The following ALDH4A1 variants were observed in gnomAD, a reference collection of about 807,000 sequenced individuals.
ALDH4A1 encodes delta-1-pyrroline-5-carboxylate dehydrogenase, mitochondrial.
Under a neutral mutation model 70.5 loss-of-function variants are expected in ALDH4A1, and 46 were observed. The ratio of observed to expected loss-of-function variants is 0.65; its 90% CI spans 0.51 to 0.83. ALDH4A1 has a LOEUF of 0.83. ALDH4A1 is among the 40% of genes least tolerant of loss of function. The probability of loss-of-function intolerance (pLI) is 0.00; values close to 1 mark genes in which losing one functional copy is unlikely to be tolerated. For synonymous variants in ALDH4A1, 323 were observed against 324.3 expected, an observed-to-expected ratio of 1.00 and a Z score of 0.04; for missense variants, 749 against 766.5, an observed-to-expected ratio of 0.98 and a Z score of 0.27.
chr1:18,886,604 G>T, intron 3 of ALDH4A1, 93 bp from the exon 4 acceptor site: 2 of 1,385,628 alleles, frequency 1.4e-6, no homozygotes, highest in Non-Finnish European at 2.0e-6. Context: ...TTCCAGGAAA[G>T]TCCTGGACAC....
chr1:18,879,215 T>A, intron 9 of ALDH4A1, 85 bp downstream of exon 9: 1 of 1,363,230 alleles, frequency 7.3e-7, no homozygotes. Context: ...TGTGGCTGGA[T>A]CCCCTCTACC....
intron 1 of ALDH4A1, 43 bp from the exon 2 acceptor site, chr1:18,890,148 C>G (rs747969757): frequency 6.6e-7 from 1 of 1,517,934 alleles, no homozygotes; most frequent in Non-Finnish European, 9.0e-7. Flanking sequence ...AGGTCAGCAG[C>G]GGCCCCACCA....
At chr1:18,894,306 T>C (rs1023533829) in intron 1 of ALDH4A1, among the ~76,000 whole-genome samples, 5 of 152,134 alleles carry the variant, frequency 3.3e-5, no homozygotes, top group African/African-American at 1.2e-4. Flanking sequence ...TTTGGGAGGC[T>C]GAGGTGGGCG....
intron 14 of ALDH4A1, among the ~76,000 whole-genome samples, chr1:18,873,906 C>G (rs756748412): frequency 1.3e-5 from 2 of 152,208 alleles, no homozygotes. Flanking sequence ...GGTCCCAGTA[C>G]TTGTGATTGG....
intron 1 of ALDH4A1, among the ~76,000 whole-genome samples, chr1:18,894,339 G>A (rs1324661538): frequency 3.3e-5 from 5 of 152,142 alleles, no homozygotes; most frequent in African/African-American, 4.8e-5. Flanking sequence ...TCAGGAGTTC[G>A]AGACCAGCCT....
At chr1:18,877,682 C>T in intron 9 of ALDH4A1, 70 bp from the exon 10 acceptor site, 6 of 1,537,850 alleles carry the variant, frequency 3.9e-6, no homozygotes, top group Non-Finnish European at 5.3e-6. Context: ...GCCCAAAACA[C>T]CACCTACGCC....
rs752889674 is a variant in ALDH4A1 at position 18,877,621 on chromosome 1, G to A, written c.941-9C>T. On this transcript the variant is annotated splice_polypyrimidine_tract_variant and intron_variant, in intron 9 of 14. Coordinates refer to ENST00000375341, the MANE Select transcript of ALDH4A1 (RefSeq NM_003748.4). The stretch of plus-strand genomic sequence containing the variant: ...GTTCTTTCCGCCGCACTCTACAGGG[G>A]TCGGGGGTGGGGAAATGACCAGAGG... The A allele has an allele frequency of 1.4e-6, 1 of 707,438 alleles. No individual in the cohort carries two copies. The highest frequency in any genetic ancestry group is 1.9e-5 in the Admixed American group (1 of 53,020). The allele number at this position is 707,438 out of a possible 1,614,324, so 43.8% of individuals were successfully genotyped here. A position where few individuals can be genotyped will look rare whatever the true frequency, so the allele number is the denominator to read the frequency against.
chr1:18,886,946 A>C (rs9426638), intron 3 of ALDH4A1, among the ~76,000 whole-genome samples: 1 of 152,148 alleles, frequency 6.6e-6, no homozygotes, highest in African/African-American at 2.4e-5. Flanking sequence ...GGAGAACCAA[A>C]GGGGATCATG....
At chr1:18,874,818 C>G (rs969902800) in intron 13 of ALDH4A1, among the ~76,000 whole-genome samples, 1 of 152,200 alleles carries the variant, frequency 6.6e-6, no homozygotes, top group African/African-American at 2.4e-5. Flanking sequence ...AGGGCTACTG[C>G]GAAGTTGAAG....
chr1:18,892,587 T>TAGAGGG (rs1378298923), intron 1 of ALDH4A1, among the ~76,000 whole-genome samples: 2 of 150,792 alleles, frequency 1.3e-5, no homozygotes, highest in Non-Finnish European at 3.0e-5. Context: ...GCCTGCGTGG[T>TAGAGGG]AGAGGGAGAG....
chr1:18,889,803 A>C (rs1935364179), intron 2 of ALDH4A1, among the ~76,000 whole-genome samples: 1 of 152,262 alleles, frequency 6.6e-6, no homozygotes, highest in Non-Finnish European at 1.5e-5. Flanking sequence ...CTGGCCTGAG[A>C]AGCCCCAGAG....
Position 18,895,503 on chromosome 1 carries a change from T to C in ALDH4A1, c.63-5398A>G, listed in dbSNP as rs117441947. Among the ~76,000 whole-genome samples, 850 of 152,310 alleles carry C rather than the reference T, an allele frequency of 5.6e-3. 14 individuals carry two copies. Among genetic ancestry groups the C allele is most frequent in the South Asian group, 0.047 (227 of 4,826 alleles). Reference sequence around the variant, plus strand: ...ACTGGGATCCGATCCATGAAGGCCATGCACCATTTCACCTCCTGTGGCAGG... The same window carrying C: ...ACTGGGATCCGATCCATGAAGGCCACGCACCATTTCACCTCCTGTGGCAGG... On this transcript the variant is annotated intron_variant, in intron 1 of 14. Transcript: ENST00000375341.
At chr1:18,888,485 A>G in intron 3 of ALDH4A1, among the ~76,000 whole-genome samples, 1 of 152,256 alleles carries the variant, frequency 6.6e-6, no homozygotes, top group East Asian at 1.9e-4. Context: ...GAAAATCAGC[A>G]GTATCCACCC....
chr1:18,890,232 G>A (rs1356296231), intron 1 of ALDH4A1, 127 bp from the exon 2 acceptor site: 1 of 781,772 alleles, frequency 1.3e-6, no homozygotes, highest in African/African-American at 1.7e-5. Flanking sequence ...AATGCAACTA[G>A]AAAGTGGGGG....
At position 18,877,545 on chromosome 1, in the gene ALDH4A1, G is replaced by A. The variant is rs766401941; in HGVS notation, c.1008C>T (p.Thr336=). The A allele has an allele frequency of 3.1e-6, 5 of 1,612,108 alleles. No individual in the cohort carries two copies. Among genetic ancestry groups the A allele is most frequent in the Non-Finnish European group, 4.2e-6 (5 of 1,179,688 alleles). Residue 336 remains threonine (T), a synonymous_variant, in exon 10 of 15, where the codon ACC becomes ACT. Transcript: ENST00000375341. ...CACCGTACTCGAAGGCTGAGCGGAG[G>A]GTCCCGCTCACCACGCTCTCCACGT... ...SADVESVVSG[T]LRSAFEYGGQ...
intron 1 of ALDH4A1, among the ~76,000 whole-genome samples, chr1:18,899,968 A>G (rs1014710358): frequency 4.6e-5 from 7 of 152,238 alleles, no homozygotes; most frequent in African/African-American, 1.7e-4. Flanking sequence ...ACAAGCTACA[A>G]TAAAGTATGG....
chr1:18,877,368 C>A (rs1325936526), intron 10 of ALDH4A1, 48 bp downstream of exon 10: 1 of 1,552,550 alleles, frequency 6.4e-7, no homozygotes, highest in Non-Finnish European at 8.7e-7. Context: ...GGGACCCAAT[C>A]CCATCAGCCC....
In ALDH4A1 at chr1:18,880,710, C is replaced by A. The variant is rs1286879624; in HGVS notation, c.866+990G>T. On this transcript the variant is annotated intron_variant, in intron 8 of 14. Coordinates refer to ENST00000375341, the MANE Select transcript of ALDH4A1 (RefSeq NM_003748.4). The surrounding 1 kb of genome is among the most constrained non-coding windows in gnomAD (Gnocchi z 5.1). ...ACCAGGAAATGCAAGATCAGAGCAT[C>A]CAGGTCCAGGGGACCAAGACAGGCC... Among the ~76,000 whole-genome samples the A allele has an allele frequency of 1.3e-5, 2 of 152,184 alleles. No homozygotes were observed. The highest frequency in any genetic ancestry group is 4.8e-5 in the African/African-American group (2 of 41,438).
Position 18,872,587 on chromosome 1 carries a change from C to G in ALDH4A1, c.*258G>C. 1 of 376,488 alleles carries G rather than the reference C, an allele frequency of 2.7e-6. No homozygotes were observed. The allele number at this position is 376,488 out of a possible 1,614,324, so 23.3% of individuals were successfully genotyped here. ...GGCCCAGTGGAGGGCAGAGGGAGAA[C>G]CTGCCAGGCACCAGGGTCATACCTC... is the stretch of plus-strand genomic sequence containing the variant. On this transcript the variant is annotated 3_prime_UTR_variant, in exon 15 of 15. Coordinates refer to ENST00000375341, the MANE Select transcript of ALDH4A1 (RefSeq NM_003748.4).
Sources: gnomAD v4.1 joint callset for allele counts (sites outside exome capture counted in the v4.1 genomes callset) on GRCh38, gnomAD v4.1.1 for gene constraint, Gnocchi (gnomAD v3.1) non-coding constraint, MANE v1.5 for transcripts, NCBI Gene and HGNC (gene_info 2026-07-23, HGNC 2026-07-21) for gene names.